The following TTL variants were observed in gnomAD, a reference collection of about 807,000 sequenced individuals.
TTL encodes tubulin tyrosine ligase.
Under a neutral mutation model 41.1 loss-of-function variants are expected in TTL, and 10 were observed. That is an observed-to-expected ratio of 0.24 (90% CI 0.15 to 0.41). The LOEUF is 0.41. Ranked by LOEUF, TTL falls within the 10% of genes least tolerant of loss-of-function variation. The pLI, the probability that TTL is intolerant of heterozygous loss-of-function variation, is 1.00. For missense variants in TTL, 367 were observed against 460.4 expected, an observed-to-expected ratio of 0.80 and a Z score of 1.86; for synonymous variants, 175 against 175.5, an observed-to-expected ratio of 1.00 and a Z score of 0.02.
rs377432688 is a variant in TTL at position 112,528,751 on chromosome 2, G to A, written c.1090G>A (p.Val364Met). Residue 364 changes from valine (V) to methionine (M), a missense_variant, in exon 7 of 7, where the codon GTG becomes ATG. Transcript: ENST00000233336. The stretch of plus-strand genomic sequence containing the variant: ...TTCCAGTGTCTTCCCACCCCCAGAT[G>A]TGGAGCAACCTCAGACCCAGCCAGC... ...AISSVFPPPD[V>M]EQPQTQPAAF... is the part of the protein sequence containing the mutation. 2 of 1,614,046 alleles carry A rather than the reference G, an allele frequency of 1.2e-6. No homozygotes were observed. The highest frequency in any genetic ancestry group is 1.7e-6 in the Non-Finnish European group (2 of 1,180,046).
chr2:112,511,576 C>CT (rs1444424532), intron 5 of TTL, among the ~76,000 whole-genome samples: 5 of 149,354 alleles, frequency 3.3e-5, no homozygotes, highest in East Asian at 2.0e-4. Context: ...TTTTCTTTCT[C>CT]TTTTTTTTGA....
In TTL at chr2:112,502,909, C is replaced by T. The variant is rs1348692204; in HGVS notation, c.606-3C>T. On this transcript the variant is annotated splice_polypyrimidine_tract_variant and splice_region_variant and intron_variant, in intron 4 of 6. Transcript: ENST00000233336. ...GTAAAGCAGTGTTTTTGTTGAATTGCAGAAGCTGGGTCTTGGTGGATCATC... is the reference window on the plus strand; with the variant it reads ...GTAAAGCAGTGTTTTTGTTGAATTGTAGAAGCTGGGTCTTGGTGGATCATC... The T allele has an allele frequency of 1.3e-6, 2 of 1,597,528 alleles. No individual in the cohort carries two copies. Among genetic ancestry groups the T allele is most frequent in the Non-Finnish European group, 1.7e-6 (2 of 1,170,666 alleles).
chr2:112,499,082 G>A (rs1339730246), intron 3 of TTL, among the ~76,000 whole-genome samples: 1 of 152,162 alleles, frequency 6.6e-6, no homozygotes, highest in African/African-American at 2.4e-5. Flanking sequence ...AGAGGCCAAG[G>A]CGGCTGAATC....
chr2:112,538,626 G>C lies in TTL; in HGVS notation c.*9831G>C, dbSNP rs7565827. On this transcript the variant is annotated 3_prime_UTR_variant, in exon 7 of 7. Transcript: ENST00000233336. ...AATCTGGTCTCTATAAAAAATACAAGAATTAGCCAGGCATGGTGGTGCATG... is the reference window on the plus strand; with the variant it reads ...AATCTGGTCTCTATAAAAAATACAACAATTAGCCAGGCATGGTGGTGCATG... The C allele has an allele frequency of 0.14, 20,628 of 151,904 alleles. 2,070 individuals carry two copies. Among genetic ancestry groups the C allele is most frequent in the East Asian group, 0.31 (1,605 of 5,130 alleles). 9.4% of individuals were successfully genotyped at this position (151,904 alleles called of 1,614,324 possible).
intron 2 of TTL, among the ~76,000 whole-genome samples, chr2:112,493,830 G>T (rs1323248307): frequency 1.3e-5 from 2 of 152,090 alleles, no homozygotes; most frequent in African/African-American, 4.8e-5. Flanking sequence ...CAACATATTT[G>T]TTGAAAAGAT....
rs536464396 is a variant in TTL at position 112,492,902 on chromosome 2, A to G, written c.237-1241A>G. Among the ~76,000 whole-genome samples the G allele has an allele frequency of 2.6e-5, 4 of 152,292 alleles. No individual in the cohort carries two copies. In the East Asian group the frequency reaches 5.8e-4, roughly 22 times the overall value. ...TGAGACCCCGTCTCAAATAAAAAAA[A>G]TAAAAATAAAATAAAAAATTAAACT... On this transcript the variant is annotated intron_variant, in intron 2 of 6. Transcript: ENST00000233336.
At position 112,533,748 on chromosome 2, in the gene TTL, T is replaced by C. The variant is rs1465585160; in HGVS notation, c.*4953T>C. 1 of 152,212 alleles carries C rather than the reference T, an allele frequency of 6.6e-6. No individual in the cohort carries two copies. The highest frequency in any genetic ancestry group is 1.5e-5 in the Non-Finnish European group (1 of 68,044). The allele number at this position is 152,212 out of a possible 1,614,324, so 9.4% of individuals were successfully genotyped here. On this transcript the variant is annotated 3_prime_UTR_variant, in exon 7 of 7. Transcript: ENST00000233336. ...GTAGAGCTCTCGTGACCTAACCTCT[T>C]ACAGGTCCCACCTCTCAACACTATT...
At position 112,482,182 on chromosome 2, in the gene TTL, G is replaced by C; in HGVS notation, c.-163G>C. 1.4e-5 allele frequency: 3 copies of C among 221,620 alleles called. No homozygotes were observed. The highest frequency in any genetic ancestry group is 1.5e-5 in the Non-Finnish European group (2 of 135,456). The allele number at this position is 221,620 out of a possible 1,614,324, so 13.7% of individuals were successfully genotyped here. A position where few individuals can be genotyped will look rare whatever the true frequency, so the allele number is the denominator to read the frequency against. ...CTTTCCTCTCCGGCACCCGGCGGGC[G>C]CCCGGGCGCGGCGCCGCCGGCACCC... On this transcript the variant is annotated 5_prime_UTR_variant, in exon 1 of 7. Transcript: ENST00000233336. The surrounding 1 kb of genome is among the most constrained non-coding windows in gnomAD (Gnocchi z 5.3).
intron 6 of TTL, among the ~76,000 whole-genome samples, chr2:112,525,101 A>G (rs1255947583): frequency 3.3e-5 from 5 of 152,180 alleles, no homozygotes; most frequent in Non-Finnish European, 7.3e-5. Flanking sequence ...AGGTGGTTGT[A>G]GATGTGTGAC....
intron 6 of TTL, among the ~76,000 whole-genome samples, chr2:112,524,944 A>T (rs114598434): frequency 6.6e-6 from 1 of 152,194 alleles, no homozygotes; most frequent in African/African-American, 2.4e-5. Flanking sequence ...TAAGTCATTA[A>T]TGCGTCCTGA....
At chr2:112,523,918 A>G (rs2104476629) in intron 6 of TTL, among the ~76,000 whole-genome samples, 1 of 152,174 alleles carries the variant, frequency 6.6e-6, no homozygotes, top group African/African-American at 2.4e-5. Flanking sequence ...TACATTAGGT[A>G]TAACTCCTAA....
Position 112,528,972 on chromosome 2 carries a change from G to A in TTL, c.*177G>A. ...CAGCTCCCAAAGAGAGGGCTGCTCA[G>A]GGGGCTTCCCAGATGTAGCTCTCAG... is the stretch of plus-strand genomic sequence containing the variant. On this transcript the variant is annotated 3_prime_UTR_variant, in exon 7 of 7. Coordinates refer to ENST00000233336, the MANE Select transcript of TTL (RefSeq NM_153712.5). The A allele has an allele frequency of 1.6e-6, 1 of 623,144 alleles. No homozygotes were observed. The allele number at this position is 623,144 out of a possible 1,614,324, so 38.6% of individuals were successfully genotyped here. A position where few individuals can be genotyped will look rare whatever the true frequency, so the allele number is the denominator to read the frequency against.
Position 112,495,161 on chromosome 2 carries a change from A to G in TTL, c.469+786A>G, listed in dbSNP as rs1243049400. On this transcript the variant is annotated intron_variant, in intron 3 of 6. Coordinates refer to ENST00000233336, the MANE Select transcript of TTL (RefSeq NM_153712.5). ...TCGAATATTCCAAACTTGTCTCTGT[A>G]CCTAGAATGTGCTTACATGGATTGT... Among the ~76,000 whole-genome samples the G allele has an allele frequency of 2.0e-5, 3 of 152,166 alleles. No individual in the cohort carries two copies. In the East Asian group the frequency reaches 5.8e-4, roughly 29 times the overall value.
intron 1 of TTL, among the ~76,000 whole-genome samples, chr2:112,484,540 C>T (rs1353876473): frequency 6.6e-6 from 1 of 152,128 alleles, no homozygotes; most frequent in Admixed American, 6.5e-5. Context: ...GCTGGGATTA[C>T]AGGCATGAAC....
intron 5 of TTL, among the ~76,000 whole-genome samples, chr2:112,510,233 G>A (rs1681888189): frequency 6.6e-6 from 1 of 152,070 alleles, no homozygotes; most frequent in African/African-American, 2.4e-5. Context: ...AGGCTCAAGG[G>A]ATCTTCCTGT....
chr2:112,532,652 G>A lies in TTL; in HGVS notation c.*3857G>A, dbSNP rs980614441. 1 of 180,882 alleles carries A rather than the reference G, an allele frequency of 5.5e-6. No homozygotes were observed. Among genetic ancestry groups the A allele is most frequent in the Non-Finnish European group, 1.2e-5 (1 of 84,740 alleles). The allele number at this position is 180,882 out of a possible 1,614,324, so 11.2% of individuals were successfully genotyped here. ...AATAATAAAGTAAATATAAATCCAT[G>A]ATGCCGTTACTCAGGGGTAGACAGA... On this transcript the variant is annotated 3_prime_UTR_variant, in exon 7 of 7. Transcript: ENST00000233336.
chr2:112,503,594 G>C (rs2104460186), intron 5 of TTL, among the ~76,000 whole-genome samples: 1 of 148,240 alleles, frequency 6.7e-6, no homozygotes, highest in East Asian at 2.0e-4. Context: ...CCACCACGCT[G>C]GGCTAATTTT....
Position 112,536,909 on chromosome 2 carries a change from T to G in TTL, c.*8114T>G, listed in dbSNP as rs970262073. 3.3e-5 allele frequency: 5 copies of G among 152,274 alleles called. No homozygotes were observed. The East Asian group carries it at 9.6e-4, about 29-fold the overall frequency. The allele number at this position is 152,274 out of a possible 1,614,324, so 9.4% of individuals were successfully genotyped here. ...TCCATGGTATATATGTACTATATTT[T>G]CTTTATCCAATCCACTGTTGATGGG... On this transcript the variant is annotated 3_prime_UTR_variant, in exon 7 of 7. Transcript: ENST00000233336.
rs1054534265 is a variant in TTL, at chr2:112,537,656, A to G, written c.*8861A>G. Reference sequence around the variant, plus strand: ...GCCAAGGACATTTTATATTGATAAAAGGGTCAGTCCATTAGGAAAATATGA... The same window carrying G: ...GCCAAGGACATTTTATATTGATAAAGGGGTCAGTCCATTAGGAAAATATGA... On this transcript the variant is annotated 3_prime_UTR_variant, in exon 7 of 7. Transcript: ENST00000233336. The G allele has an allele frequency of 6.6e-6, 1 of 152,246 alleles. No individual in the cohort carries two copies. Among genetic ancestry groups the G allele is most frequent in the Non-Finnish European group, 1.5e-5 (1 of 68,034 alleles). The allele number at this position is 152,246 out of a possible 1,614,324, so 9.4% of individuals were successfully genotyped here.
Sources: allele counts gnomAD v4.1 joint callset (sites outside exome capture counted in the v4.1 genomes callset), GRCh38; gene constraint gnomAD v4.1.1; non-coding constraint Gnocchi (gnomAD v3.1); transcripts MANE v1.5; gene names NCBI Gene and HGNC (gene_info 2026-07-23, HGNC 2026-07-21).